The following PTPRD variants were observed in gnomAD, a reference collection of about 807,000 sequenced individuals.
The protein encoded by PTPRD is receptor-type tyrosine-protein phosphatase delta.
In PTPRD, 34 loss-of-function variants were observed where a neutral mutation model predicts 214.5. That is an observed-to-expected ratio of 0.16 (90% CI 0.12 to 0.21). PTPRD has a LOEUF of 0.21. Among genes scored for constraint, PTPRD ranks in the 10% least tolerant of loss-of-function variants. The probability of loss-of-function intolerance (pLI) is 1.00; values close to 1 mark genes in which losing one functional copy is unlikely to be tolerated. For synonymous variants in PTPRD, 1,128 were observed against 845.7 expected, an observed-to-expected ratio of 1.33 and a Z score of -5.79; for missense variants, 2,545 against 2,398.7, an observed-to-expected ratio of 1.06 and a Z score of -1.27.
chr9:9,305,069 C>T (rs990276042), intron 9 of PTPRD, among the ~76,000 whole-genome samples: 4 of 150,466 alleles, frequency 2.7e-5, no homozygotes, highest in African/African-American at 7.4e-5. Context: ...CCCTTCAATT[C>T]CTGAGCCTTT....
chr9:8,814,272 G>A (rs1483924468), intron 11 of PTPRD, among the ~76,000 whole-genome samples: 2 of 152,134 alleles, frequency 1.3e-5, no homozygotes, highest in African/African-American at 4.8e-5. Flanking sequence ...TGCATATATG[G>A]TAATTTCATA....
At chr9:10,363,756 AC>A (rs1204744782) in intron 2 of PTPRD, among the ~76,000 whole-genome samples, 1 of 151,774 alleles carries the variant, frequency 6.6e-6, no homozygotes, top group African/African-American at 2.4e-5. Context: ...ATAAAATGTG[AC>A]CCCTTATGGG....
At chr9:10,291,421 G>T (rs1407925) in intron 3 of PTPRD, among the ~76,000 whole-genome samples, 47,286 of 151,998 alleles carry the variant, frequency 0.31, 8,473 homozygotes, top group South Asian at 0.52. Context: ...GATGATTAAG[G>T]GAAGATATTG....
At chr9:9,955,284 CTT>C (rs758181071) in intron 4 of PTPRD, among the ~76,000 whole-genome samples, 3 of 152,232 alleles carry the variant, frequency 2.0e-5, no homozygotes, top group Admixed American at 6.5e-5. Context: ...TGTAAAATGA[CTT>C]TATCATCCTG....
intron 3 of PTPRD, among the ~76,000 whole-genome samples, chr9:10,339,612 T>G (rs1285354937): frequency 6.6e-6 from 1 of 151,620 alleles, no homozygotes; most frequent in Non-Finnish European, 1.5e-5. Flanking sequence ...TACCAATACT[T>G]ATGAAGAAAA....
intron 2 of PTPRD, among the ~76,000 whole-genome samples, chr9:10,392,219 G>T (rs1450116115): frequency 6.6e-6 from 1 of 151,940 alleles, no homozygotes; most frequent in Non-Finnish European, 1.5e-5. Context: ...ATATAATCAT[G>T]CATAATGTAT....
At chr9:8,628,740 T>C (rs1455206950) in intron 14 of PTPRD, among the ~76,000 whole-genome samples, 1 of 151,882 alleles carries the variant, frequency 6.6e-6, no homozygotes, top group Non-Finnish European at 1.5e-5. Context: ...GTACTTCACG[T>C]ATTATCTTTT....
intron 2 of PTPRD, among the ~76,000 whole-genome samples, chr9:10,383,366 G>A (rs2097856144): frequency 6.6e-6 from 1 of 151,726 alleles, no homozygotes; most frequent in African/African-American, 2.4e-5. Context: ...AATGCTCTAT[G>A]CTCAGGCCCT....
chr9:9,027,070 A>G (rs544567768), intron 10 of PTPRD, among the ~76,000 whole-genome samples: 2 of 151,534 alleles, frequency 1.3e-5, no homozygotes, highest in South Asian at 2.1e-4. Flanking sequence ...GGCACCTGCT[A>G]TGTCTGGTGT....
chr9:9,923,486 C>CA (rs34543277), intron 5 of PTPRD, among the ~76,000 whole-genome samples: 51,078 of 151,064 alleles, frequency 0.34, 9,114 homozygotes, highest in East Asian at 0.64. Flanking sequence ...TGAGCACACA[C>CA]AAAAAAATCG....
At chr9:8,524,716 C>T (rs1006364790) in intron 18 of PTPRD, 2 of 697,902 alleles carry the variant, frequency 2.9e-6, no homozygotes, top group Non-Finnish European at 2.6e-6. Context: ...AACTCCAAGC[C>T]TCAGGACAGA....
intron 9 of PTPRD, among the ~76,000 whole-genome samples, chr9:9,333,533 G>T (rs995234047): frequency 1.6e-5 from 2 of 128,942 alleles, no homozygotes; most frequent in Non-Finnish European, 3.0e-5. Context: ...TATAAAGTCT[G>T]CAATGCAATC....
At chr9:9,979,195 A>G (rs868423106) in intron 4 of PTPRD, among the ~76,000 whole-genome samples, 1 of 152,090 alleles carries the variant, frequency 6.6e-6, no homozygotes, top group Non-Finnish European at 1.5e-5. Flanking sequence ...ACAAAGAAAG[A>G]GTGTCAAAAA....
At chr9:9,375,803 T>C (rs1159774179) in intron 9 of PTPRD, among the ~76,000 whole-genome samples, 2 of 151,900 alleles carry the variant, frequency 1.3e-5, no homozygotes, top group Non-Finnish European at 2.9e-5. Flanking sequence ...GGAGGAGGAG[T>C]TATTGTTTAA....
intron 14 of PTPRD, among the ~76,000 whole-genome samples, chr9:8,589,397 A>T (rs2093926324): frequency 6.6e-6 from 1 of 152,202 alleles, no homozygotes; most frequent in Non-Finnish European, 1.5e-5. Flanking sequence ...AATCATAAAC[A>T]ATTAAGCATA....
intron 3 of PTPRD, among the ~76,000 whole-genome samples, chr9:10,085,600 C>A (rs1362568672): frequency 6.9e-6 from 1 of 145,578 alleles, no homozygotes; most frequent in African/African-American, 2.8e-5. Flanking sequence ...GGAAATGAGA[C>A]ACAGAGAAGA....
chr9:9,444,166 A>T (rs2144682483), intron 8 of PTPRD, among the ~76,000 whole-genome samples: 1 of 152,236 alleles, frequency 6.6e-6, no homozygotes, highest in South Asian at 2.1e-4. Context: ...ACCACTTAAC[A>T]TGTTCTTTGG....
intron 9 of PTPRD, among the ~76,000 whole-genome samples, chr9:9,301,007 T>A (rs1403093971): frequency 2.0e-5 from 3 of 151,824 alleles, no homozygotes; most frequent in Admixed American, 6.6e-5. Context: ...ACTATGTTAA[T>A]ATTGTTCATC....
At chr9:9,368,946 G>A (rs1012931957) in intron 9 of PTPRD, among the ~76,000 whole-genome samples, 1 of 151,852 alleles carries the variant, frequency 6.6e-6, no homozygotes, top group Non-Finnish European at 1.5e-5. Context: ...AGTGTAGGAT[G>A]TTCCCCTTCC....
Sources: gnomAD v4.1 joint callset for allele counts (sites outside exome capture counted in the v4.1 genomes callset) on GRCh38, gnomAD v4.1.1 for gene constraint, MANE v1.5 for transcripts, NCBI Gene and HGNC (gene_info 2026-07-23, HGNC 2026-07-21) for gene names.